KIF14: variants seen among roughly 807,000 people sequenced by gnomAD.
KIF14 encodes kinesin family member 14.
KIF14 carries 98 observed loss-of-function variants against 176.2 expected under a neutral mutation model. The ratio of observed to expected loss-of-function variants is 0.56; its 90% CI spans 0.47 to 0.66. The LOEUF (loss-of-function observed/expected upper bound fraction) is 0.66. Ranked by LOEUF, KIF14 falls within the 30% of genes least tolerant of loss-of-function variation. The probability of loss-of-function intolerance (pLI) is 0.00; values close to 1 mark genes in which losing one functional copy is unlikely to be tolerated. For synonymous variants in KIF14, 566 were observed against 632.2 expected, an observed-to-expected ratio of 0.90 and a Z score of 1.57; for missense variants, 1,751 against 1,920.4, an observed-to-expected ratio of 0.91 and a Z score of 1.65.
intron 21 of KIF14, among the ~76,000 whole-genome samples, chr1:200,579,140 A>C (rs750711528): frequency 2.0e-5 from 3 of 152,054 alleles, no homozygotes; most frequent in Non-Finnish European, 4.4e-5. Context: ...CTTTACCCAT[A>C]AAGAAACAAC....
chr1:200,585,297 TA>T (rs1277707871), intron 19 of KIF14, among the ~76,000 whole-genome samples: 1 of 151,580 alleles, frequency 6.6e-6, no homozygotes, highest in African/African-American at 2.4e-5. Context: ...TTGATTATGG[TA>T]ATCATTTTGC....
chr1:200,619,490 C>A (rs964018241), intron 1 of KIF14, among the ~76,000 whole-genome samples: 1 of 152,080 alleles, frequency 6.6e-6, no homozygotes, highest in Admixed American at 6.6e-5. Context: ...GTAGCTGGGA[C>A]TACAGGCGCC....
At chr1:200,577,102 G>C (rs1226519107) in intron 21 of KIF14, among the ~76,000 whole-genome samples, 1 of 149,680 alleles carries the variant, frequency 6.7e-6, no homozygotes, top group Non-Finnish European at 1.5e-5. Flanking sequence ...CTGAGGTCAG[G>C]AGTTTGAGAT....
intron 7 of KIF14, 36 bp downstream of exon 7, chr1:200,605,824 CTCTT>C (rs775508860): frequency 9.0e-6 from 11 of 1,219,684 alleles, no homozygotes; most frequent in Middle Eastern, 2.0e-4. Flanking sequence ...TAGGATTATG[CTCTT>C]TCTATCTAGT....
rs754654417 is a variant in KIF14 at position 200,618,081 on chromosome 1, A to G, written c.643T>C (p.Ser215Pro). Residue 215 changes from serine to proline, a missense_variant, in exon 2 of 30, where the codon TCA becomes CCA. Coordinates refer to ENST00000367350, the MANE Select transcript of KIF14 (RefSeq NM_014875.3). ...GAAGCAATGGGTGGTCTATTACTTGAGTACTTAAGTGCAACATTTTCATTT... is the reference window on the plus strand; with the variant it reads ...GAAGCAATGGGTGGTCTATTACTTGGGTACTTAAGTGCAACATTTTCATTT... ...RANENVALKY[S>P]SNRPPIASLS... 22 of 1,614,046 alleles carry G rather than the reference A, an allele frequency of 1.4e-5. No homozygotes were observed. Among genetic ancestry groups the G allele is most frequent in the Non-Finnish European group, 1.9e-5 (22 of 1,180,016 alleles).
intron 4 of KIF14, among the ~76,000 whole-genome samples, chr1:200,611,340 C>T (rs1320622319): frequency 1.3e-5 from 2 of 152,040 alleles, no homozygotes; most frequent in Non-Finnish European, 2.9e-5. Flanking sequence ...AGTTTTTATC[C>T]TGAAAAAACT....
chr1:200,610,492 A>G (rs1427527934), intron 4 of KIF14, among the ~76,000 whole-genome samples: 1 of 144,132 alleles, frequency 6.9e-6, no homozygotes, highest in Non-Finnish European at 1.5e-5. Flanking sequence ...CCTGGGTGAC[A>G]GAGCGAGACT....
chr1:200,615,732 T>C (rs1399585386), intron 2 of KIF14, 123 bp from the exon 3 acceptor site: 1 of 868,988 alleles, frequency 1.2e-6, no homozygotes, highest in East Asian at 2.8e-5. Flanking sequence ...AATTCTGTAG[T>C]TTTATGTGGA....
intron 5 of KIF14, among the ~76,000 whole-genome samples, chr1:200,607,257 G>A (rs796112452): frequency 5.9e-5 from 9 of 151,638 alleles, no homozygotes; most frequent in African/African-American, 2.2e-4. Context: ...CTCCTACCTC[G>A]GCCTTCTGAG....
chr1:200,614,470 G>A, intron 3 of KIF14, 65 bp from the exon 4 acceptor site: 1 of 1,016,332 alleles, frequency 9.8e-7, no homozygotes, highest in East Asian at 2.5e-5. Context: ...TCTTTTTGGG[G>A]AAATAGGCTG....
rs188119849 is a variant in KIF14, at chr1:200,560,474, A to G, written c.4230+248T>C. ...TTCAGTAGAGACGGGTGTTTCGCCT[A>G]TTGGCCAGGCTGATCTCGAACTCCT... On this transcript the variant is annotated intron_variant, in intron 26 of 29. Transcript: ENST00000367350. Among the ~76,000 whole-genome samples, 342 of 151,672 alleles carry G rather than the reference A, an allele frequency of 2.3e-3. 2 individuals are homozygous for G. The highest frequency in any genetic ancestry group is 7.9e-3 in the African/African-American group (326 of 41,368).
chr1:200,602,220 AT>A (rs1659661442), intron 10 of KIF14, 152 bp from the exon 11 acceptor site: 1 of 606,398 alleles, frequency 1.6e-6, no homozygotes, highest in African/African-American at 1.9e-5. Flanking sequence ...ATTTGTAACT[AT>A]TTCTAGATCT....
At chr1:200,606,679 T>C (rs895214475) in intron 6 of KIF14, 67 bp downstream of exon 6, 2 of 1,315,786 alleles carry the variant, frequency 1.5e-6, no homozygotes, top group African/African-American at 1.4e-5. Context: ...ATAAAGATTA[T>C]GGGAGAGTAA....
chr1:200,575,522 T>TACACAC lies in KIF14; in HGVS notation c.3566+63_3566+68dup, dbSNP rs35571944. ...GAAATAATATATATGATATACAATTTACACACACACACACACACACACATG... is the reference window on the plus strand; with the variant it reads ...GAAATAATATATATGATATACAATTTACACACACACACACACACACACACACACATG... On this transcript the variant is annotated intron_variant, in intron 22 of 29. Transcript: ENST00000367350. 566 of 625,978 alleles carry TACACAC rather than the reference T, an allele frequency of 9.0e-4. 3 individuals carry two copies. The African/African-American group carries it at 9.5e-3, about 11-fold the overall frequency. 38.8% of individuals were successfully genotyped at this position (625,978 alleles called of 1,614,324 possible).
At chr1:200,620,163 A>C (rs555543631) in intron 1 of KIF14, among the ~76,000 whole-genome samples, 15 of 152,238 alleles carry the variant, frequency 9.9e-5, no homozygotes, top group Admixed American at 2.6e-4. Flanking sequence ...GTTTCAACTC[A>C]AAATACAGAA....
chr1:200,606,504 T>C (rs1237351799), intron 6 of KIF14, among the ~76,000 whole-genome samples: 3 of 152,150 alleles, frequency 2.0e-5, no homozygotes, highest in Admixed American at 6.5e-5. Flanking sequence ...GAATACTCCA[T>C]GGCAGACACT....
chr1:200,573,427 C>CTTTTTTTTTTTTTTTT lies in KIF14; in HGVS notation c.3566+2148_3566+2163dup, dbSNP rs869174532. Among the ~76,000 whole-genome samples the CTTTTTTTTTTTTTTTT allele has an allele frequency of 2.3e-3, 180 of 77,736 alleles. 11 individuals carry two copies. Among genetic ancestry groups the CTTTTTTTTTTTTTTTT allele is most frequent in the Non-Finnish European group, 3.4e-3 (145 of 42,470 alleles). 51.0% of individuals were successfully genotyped at this position (77,736 alleles called of 152,430 possible). ...TTCCCTACACTCAAGGAGCTCATTTCTTTTTTTTTTTTTTTTTTTTTTTTG... is the reference window on the plus strand; with the variant it reads ...TTCCCTACACTCAAGGAGCTCATTTCTTTTTTTTTTTTTTTTTTTTTTTTTTTTTTTTTTTTTTTTG... On this transcript the variant is annotated intron_variant, in intron 22 of 29. Coordinates refer to ENST00000367350, the MANE Select transcript of KIF14 (RefSeq NM_014875.3).
chr1:200,553,771 T>A lies in KIF14; in HGVS notation c.4568-4A>T, dbSNP rs747231851. On this transcript the variant is annotated splice_region_variant and splice_polypyrimidine_tract_variant and intron_variant, in intron 29 of 29. Transcript: ENST00000367350. ...AGATTTATATCACTATGGCATCCTA[T>A]ATGCAAGAGAGGAGGGAAAAGTTAA... is the stretch of plus-strand genomic sequence containing the variant. 6.3e-7 allele frequency: 1 copy of A among 1,576,106 alleles called. No individual in the cohort carries two copies. The highest frequency in any genetic ancestry group is 8.6e-7 in the Non-Finnish European group (1 of 1,160,190).
chr1:200,553,270 TG>T lies in KIF14; in HGVS notation c.*117del. 9.4e-7 allele frequency: 1 copy of T among 1,068,122 alleles called. No individual in the cohort carries two copies. Among genetic ancestry groups the T allele is most frequent in the Non-Finnish European group, 1.3e-6 (1 of 752,204 alleles). 66.2% of individuals were successfully genotyped at this position (1,068,122 alleles called of 1,614,324 possible). A position where few individuals can be genotyped will look rare whatever the true frequency, so the allele number is the denominator to read the frequency against. On this transcript the variant is annotated 3_prime_UTR_variant, in exon 30 of 30. Coordinates refer to ENST00000367350, the MANE Select transcript of KIF14 (RefSeq NM_014875.3). ...TAGATATTTTAAAGATAAAAAGACA[TG>T]GACTTTTTTGAAATATCTGTGCTGA...
Sources: gnomAD v4.1 joint callset for allele counts (sites outside exome capture counted in the v4.1 genomes callset) on GRCh38, gnomAD v4.1.1 for gene constraint, MANE v1.5 for transcripts, NCBI Gene and HGNC (gene_info 2026-07-23, HGNC 2026-07-21) for gene names.